NDUFV2: variants seen among roughly 807,000 people sequenced by gnomAD.
The protein encoded by NDUFV2 is NADH dehydrogenase [ubiquinone] flavoprotein 2, mitochondrial.
Under a neutral mutation model 31.6 loss-of-function variants are expected in NDUFV2, and 18 were observed. That is an observed-to-expected ratio of 0.57 (90% CI 0.39 to 0.84). NDUFV2 has a LOEUF of 0.84. Among genes scored for constraint, NDUFV2 ranks in the 40% least tolerant of loss-of-function variants. The pLI is 0.00. For missense variants in NDUFV2, 314 were observed against 303.6 expected (o/e 1.03, Z -0.26); for synonymous variants, 83 against 99.8 (o/e 0.83, Z 1.01).
rs768613111 is a variant in NDUFV2 at position 9,124,882 on chromosome 18, G to A, written c.478G>A (p.Val160Ile). 6.2e-7 allele frequency: 1 copy of A among 1,611,058 alleles called. No individual in the cohort carries two copies. The highest frequency in any genetic ancestry group is 8.5e-7 in the Non-Finnish European group (1 of 1,178,946). Residue 160 changes from valine (V) to isoleucine (I), a missense_variant, in exon 6 of 8, where the codon GTT becomes ATT. Physicochemically the swap from Val to Ile is conservative, Grantham distance 29. Coordinates refer to ENST00000318388, the MANE Select transcript of NDUFV2 (RefSeq NM_021074.5). The part of the protein sequence containing the change: ...EAIQKKLGIK[V>I]GETTPDKLFT... Reference sequence around the variant, plus strand: ...TTTATTTGTATTTTTAGGAATAAAGGTTGGGGAGACTACACCTGACAAACT... The same window carrying A: ...TTTATTTGTATTTTTAGGAATAAAGATTGGGGAGACTACACCTGACAAACT...
intron 6 of NDUFV2, among the ~76,000 whole-genome samples, chr18:9,125,485 C>T (rs2077981404): frequency 6.6e-6 from 1 of 151,492 alleles, no homozygotes; most frequent in South Asian, 2.1e-4. Context: ...CCTCTAAGTA[C>T]TGCAGCTGGA....
At chr18:9,131,256 G>A (rs2078038045) in intron 7 of NDUFV2, among the ~76,000 whole-genome samples, 1 of 152,196 alleles carries the variant, frequency 6.6e-6, no homozygotes, top group South Asian at 2.1e-4. Context: ...TGGCCTTGCT[G>A]TCTCAGAGGT....
chr18:9,107,937 A>G (rs945865943), intron 1 of NDUFV2, among the ~76,000 whole-genome samples: 20 of 152,248 alleles, frequency 1.3e-4, no homozygotes, highest in African/African-American at 3.1e-4. Context: ...TGCTGTAGGT[A>G]TAGCTAGCTA....
chr18:9,106,564 G>C (rs879863519), intron 1 of NDUFV2, among the ~76,000 whole-genome samples: 1 of 152,056 alleles, frequency 6.6e-6, no homozygotes, highest in Non-Finnish European at 1.5e-5. Flanking sequence ...ACTTGATTTT[G>C]TAATGTCCCA....
chr18:9,118,996 G>C (rs1010242360), intron 2 of NDUFV2, among the ~76,000 whole-genome samples: 13 of 151,852 alleles, frequency 8.6e-5, no homozygotes, highest in Admixed American at 6.6e-4. Context: ...CCAATAATTG[G>C]TAATGTTTTG....
chr18:9,134,102 G>A (rs2078063651), intron 7 of NDUFV2, 84 bp from the exon 8 acceptor site: 1 of 978,232 alleles, frequency 1.0e-6, no homozygotes, highest in South Asian at 1.3e-5. Flanking sequence ...TACTTAACTG[G>A]GCTCTTGTGA....
chr18:9,126,503 G>T (rs183091182), intron 6 of NDUFV2: 153 of 191,296 alleles, frequency 8.0e-4, no homozygotes, highest in African/African-American at 3.1e-3. Flanking sequence ...TCAGCTGCAG[G>T]CTCTTGTTGC....
intron 1 of NDUFV2, among the ~76,000 whole-genome samples, chr18:9,113,232 C>G (rs10502390): frequency 0.11 from 16,898 of 152,214 alleles, 1,117 homozygotes; most frequent in African/African-American, 0.16. Flanking sequence ...GCAGTAAAGA[C>G]TAAATTTTCT....
At chr18:9,108,176 C>G (rs1317838141) in intron 1 of NDUFV2, among the ~76,000 whole-genome samples, 1 of 152,148 alleles carries the variant, frequency 6.6e-6, no homozygotes, top group African/African-American at 2.4e-5. Context: ...AATACCTGGG[C>G]TCTTCATGCA....
At chr18:9,118,815 GT>G (rs71168030) in intron 2 of NDUFV2, among the ~76,000 whole-genome samples, 80 of 76,754 alleles carry the variant, frequency 1.0e-3, no homozygotes, top group East Asian at 2.7e-3. Context: ...AGATGGTGCT[GT>G]TTTTTTTTTT....
At chr18:9,130,459 C>T (rs2078030449) in intron 7 of NDUFV2, among the ~76,000 whole-genome samples, 1 of 152,106 alleles carries the variant, frequency 6.6e-6, no homozygotes, top group African/African-American at 2.4e-5. Context: ...ATTTAAAAAG[C>T]AGACAAAAGT....
At chr18:9,124,701 G>C (rs1479883000) in intron 5 of NDUFV2, among the ~76,000 whole-genome samples, 173 bp from the exon 6 acceptor site, 1 of 151,938 alleles carries the variant, frequency 6.6e-6, no homozygotes, top group African/African-American at 2.4e-5. Context: ...GCCCACCCCA[G>C]CCTCCCAAAG....
intron 6 of NDUFV2, among the ~76,000 whole-genome samples, chr18:9,126,166 G>C (rs2077988820): frequency 6.6e-6 from 1 of 152,168 alleles, no homozygotes; most frequent in Non-Finnish European, 1.5e-5. Flanking sequence ...CTGTAGATGG[G>C]TTTGTTTGAG....
At chr18:9,102,950 C>G (rs2077822257) in intron 1 of NDUFV2, 153 bp downstream of exon 1, 2 of 687,790 alleles carry the variant, frequency 2.9e-6, no homozygotes, top group African/African-American at 3.8e-5. Flanking sequence ...AGGGAGGCCG[C>G]TGCAGCCCCA....
chr18:9,105,699 G>C (rs2077838230), intron 1 of NDUFV2, among the ~76,000 whole-genome samples: 2 of 152,158 alleles, frequency 1.3e-5, no homozygotes, highest in Middle Eastern at 3.2e-3. Flanking sequence ...TTACAGTGGG[G>C]TTATCTGGAC....
chr18:9,116,336 T>C (rs2077897633), intron 1 of NDUFV2, among the ~76,000 whole-genome samples: 2 of 126,738 alleles, frequency 1.6e-5, no homozygotes, highest in Admixed American at 1.6e-4. Flanking sequence ...CTGAATACTT[T>C]CCCTACTCTT....
intron 1 of NDUFV2, among the ~76,000 whole-genome samples, chr18:9,105,623 C>G (rs909412826): frequency 6.6e-6 from 1 of 152,276 alleles, no homozygotes; most frequent in East Asian, 1.9e-4. Flanking sequence ...ACAGATGCTC[C>G]TTTACTTACA....
In NDUFV2 at chr18:9,117,728, C is replaced by A. The variant is rs1050782688; in HGVS notation, c.55-110C>A. 5 of 697,464 alleles carry A rather than the reference C, an allele frequency of 7.2e-6. 1 individual carries two copies. Among genetic ancestry groups the A allele is most frequent in the South Asian group, 6.3e-5 (4 of 63,834 alleles). The allele number at this position is 697,464 out of a possible 1,614,324, so 43.2% of individuals were successfully genotyped here. A position where few individuals can be genotyped will look rare whatever the true frequency, so the allele number is the denominator to read the frequency against. On this transcript the variant is annotated intron_variant, in intron 1 of 7. Transcript: ENST00000318388. ...GGTAGAATACCATATTTCTTAAGATCTTTTATAAGTTGATTCCATTGTTGT... is the reference window on the plus strand; with the variant it reads ...GGTAGAATACCATATTTCTTAAGATATTTTATAAGTTGATTCCATTGTTGT...
chr18:9,107,075 A>T (rs1212475301), intron 1 of NDUFV2, among the ~76,000 whole-genome samples: 1 of 152,150 alleles, frequency 6.6e-6, no homozygotes, highest in African/African-American at 2.4e-5. Flanking sequence ...ACAGGTTTCC[A>T]GGATTAGGAT....
Sources: allele counts gnomAD v4.1 joint callset (sites outside exome capture counted in the v4.1 genomes callset), GRCh38; gene constraint gnomAD v4.1.1; transcripts MANE v1.5; gene names NCBI Gene and HGNC (gene_info 2026-07-23, HGNC 2026-07-21).